The following GALNT10 variants were observed in gnomAD, a reference collection of about 807,000 sequenced individuals.
The protein encoded by GALNT10 is polypeptide N-acetylgalactosaminyltransferase 10.
Under a neutral mutation model 75.0 loss-of-function variants are expected in GALNT10, and 41 were observed. The ratio of observed to expected loss-of-function variants is 0.55; its 90% CI spans 0.43 to 0.71. The LOEUF (loss-of-function observed/expected upper bound fraction) is 0.71. Among genes scored for constraint, GALNT10 ranks in the 30% least tolerant of loss-of-function variants. The pLI, the probability that GALNT10 is intolerant of heterozygous loss-of-function variation, is 0.00. For synonymous variants in GALNT10, 302 were observed against 313.0 expected (o/e 0.96, Z 0.37); for missense variants, 727 against 818.5 (o/e 0.89, Z 1.36).
intron 4 of GALNT10, among the ~76,000 whole-genome samples, chr5:154,363,276 A>C (rs956700320): frequency 1.3e-5 from 2 of 152,146 alleles, no homozygotes; most frequent in African/African-American, 4.8e-5. Flanking sequence ...ACATTCTGCC[A>C]TGATGGTTAA....
intron 6 of GALNT10, among the ~76,000 whole-genome samples, chr5:154,383,852 GC>G (rs1033254491): frequency 6.6e-6 from 1 of 152,128 alleles, no homozygotes; most frequent in Non-Finnish European, 1.5e-5. Flanking sequence ...AAATATTCTA[GC>G]TGTATTAATC....
At position 154,416,518 on chromosome 5, in the gene GALNT10, C is replaced by CACACACACAT. The variant is rs1554102729; in HGVS notation, c.1654-296_1654-295insACACACACAT. ...ACACACACACACACACACACACACA[C>CACACACACAT]GATAAGGACCAGTGAGGTCTGACAG... On this transcript the variant is annotated intron_variant, in intron 11 of 11. Transcript: ENST00000297107. This position sits in a 1 kb window ranked among gnomAD's most constrained non-coding sequence, Gnocchi z 4.5. 6.7e-6 allele frequency among the ~76,000 whole-genome samples: 1 copy of CACACACACAT among 149,144 alleles called. No homozygotes were observed. Among genetic ancestry groups the CACACACACAT allele is most frequent in the African/African-American group, 2.5e-5 (1 of 40,684 alleles).
intron 1 of GALNT10, among the ~76,000 whole-genome samples, chr5:154,248,858 T>C (rs773121711): frequency 3.9e-5 from 6 of 152,202 alleles, no homozygotes; most frequent in Non-Finnish European, 4.4e-5. Flanking sequence ...GCTGGTCATA[T>C]AGAGGAGTCA....
intron 3 of GALNT10, among the ~76,000 whole-genome samples, chr5:154,311,885 T>C (rs1050422412): frequency 6.6e-6 from 1 of 152,170 alleles, no homozygotes; most frequent in Non-Finnish European, 1.5e-5. Flanking sequence ...GTGCTGAAAT[T>C]ACAGGCATGA....
chr5:154,376,250 A>T lies in GALNT10; in HGVS notation c.569-27A>T, dbSNP rs1478198491. Reference sequence around the variant, plus strand: ...GGATGACTACTAAGCAACTGTTCTCACTCTTCTGTCCTCTTCTGTCTCATA... The same window carrying T: ...GGATGACTACTAAGCAACTGTTCTCTCTCTTCTGTCCTCTTCTGTCTCATA... On this transcript the variant is annotated intron_variant, in intron 4 of 11. Coordinates refer to ENST00000297107, the MANE Select transcript of GALNT10 (RefSeq NM_198321.4). The surrounding 1 kb of genome is among the most constrained non-coding windows in gnomAD (Gnocchi z 4.1). The T allele has an allele frequency of 6.7e-7, 1 of 1,494,350 alleles. No individual in the cohort carries two copies. 92.6% of individuals were successfully genotyped at this position (1,494,350 alleles called of 1,614,324 possible).
chr5:154,387,137 G>T (rs61694683), intron 7 of GALNT10: 1 of 152,196 alleles, frequency 6.6e-6, no homozygotes, highest in South Asian at 2.1e-4. Flanking sequence ...TTAAAGTTTC[G>T]GTGAGTAAAT....
intron 1 of GALNT10, among the ~76,000 whole-genome samples, chr5:154,193,246 T>C (rs1338177534): frequency 1.3e-5 from 2 of 152,350 alleles, no homozygotes; most frequent in Non-Finnish European, 1.5e-5. Context: ...GTTTCCCCAA[T>C]GATAAGCTCT....
At chr5:154,276,083 T>C (rs560980251) in intron 1 of GALNT10, among the ~76,000 whole-genome samples, 1 of 152,160 alleles carries the variant, frequency 6.6e-6, no homozygotes, top group Non-Finnish European at 1.5e-5. Flanking sequence ...ACAATAAGAA[T>C]TTATTAGTTC....
At chr5:154,322,860 G>A (rs1012706978) in intron 3 of GALNT10, among the ~76,000 whole-genome samples, 5 of 152,148 alleles carry the variant, frequency 3.3e-5, no homozygotes, top group African/African-American at 7.2e-5. Flanking sequence ...CAAGAGATAC[G>A]GAGACAAAAG....
At chr5:154,248,961 G>A (rs1283057059) in intron 1 of GALNT10, among the ~76,000 whole-genome samples, 2 of 152,240 alleles carry the variant, frequency 1.3e-5, no homozygotes, top group Non-Finnish European at 2.9e-5. Flanking sequence ...GAATGTCTAT[G>A]GAGATACTAG....
At chr5:154,192,244 A>G (rs1255639188) in intron 1 of GALNT10, among the ~76,000 whole-genome samples, 3 of 152,228 alleles carry the variant, frequency 2.0e-5, no homozygotes, top group African/African-American at 7.2e-5. Context: ...TTTGCTACAG[A>G]GCTGACCAAT....
In GALNT10 at chr5:154,190,910, T is replaced by G. The variant is rs1264454912; in HGVS notation, c.44T>G (p.Val15Gly). The G allele has an allele frequency of 6.7e-7, 1 of 1,481,586 alleles. No individual in the cohort carries two copies. Among genetic ancestry groups the G allele is most frequent in the Non-Finnish European group, 9.0e-7 (1 of 1,115,222 alleles). 91.8% of individuals were successfully genotyped at this position (1,481,586 alleles called of 1,614,324 possible). Residue 15 changes from valine to glycine, a missense_variant, in exon 1 of 12, where the codon GTG becomes GGG. Transcript: ENST00000297107. ...EKRLLQAVALVLAALVLLPNV... is the reference protein window; with the variant it reads ...EKRLLQAVALGLAALVLLPNV... The stretch of plus-strand genomic sequence containing the variant: ...CGGCTCCTGCAGGCGGTGGCGCTGG[T>G]GCTGGCGGCCCTGGTCCTCCTGCCC...
At chr5:154,361,896 G>A (rs929838684) in intron 4 of GALNT10, among the ~76,000 whole-genome samples, 2 of 152,186 alleles carry the variant, frequency 1.3e-5, no homozygotes, top group African/African-American at 2.4e-5. Context: ...AGACTCAAAT[G>A]GAATAGGTAC....
At chr5:154,231,828 T>C (rs556823225) in intron 1 of GALNT10, among the ~76,000 whole-genome samples, 1 of 152,290 alleles carries the variant, frequency 6.6e-6, no homozygotes, top group Admixed American at 6.5e-5. Context: ...TACAGAAAAG[T>C]CCTTTGATAC....
At chr5:154,230,977 A>G (rs1290203757) in intron 1 of GALNT10, among the ~76,000 whole-genome samples, 2 of 152,248 alleles carry the variant, frequency 1.3e-5, no homozygotes, top group Non-Finnish European at 2.9e-5. Context: ...GGCAAGGCAT[A>G]CACCAGACAA....
chr5:154,316,938 C>T (rs1017577489), intron 3 of GALNT10, among the ~76,000 whole-genome samples: 2 of 152,186 alleles, frequency 1.3e-5, no homozygotes, highest in African/African-American at 4.8e-5. Context: ...GAAATCTTTG[C>T]TGTGAGTTGT....
intron 3 of GALNT10, among the ~76,000 whole-genome samples, chr5:154,324,810 C>T (rs558782038): frequency 2.6e-5 from 4 of 152,230 alleles, no homozygotes; most frequent in Admixed American, 2.0e-4. Flanking sequence ...TGCTGCCCTC[C>T]TCTTATTCCT....
At chr5:154,375,884 A>G (rs1755646512) in intron 4 of GALNT10, among the ~76,000 whole-genome samples, 1 of 152,176 alleles carries the variant, frequency 6.6e-6, no homozygotes, top group Non-Finnish European at 1.5e-5. Flanking sequence ...TACATGTTGG[A>G]CCCAGGGAAT....
intron 1 of GALNT10, among the ~76,000 whole-genome samples, chr5:154,257,834 G>C (rs1180772650): frequency 6.6e-6 from 1 of 152,096 alleles, no homozygotes; most frequent in African/African-American, 2.4e-5. Flanking sequence ...TTGATGAGTA[G>C]ATTTTGCAGA....
Sources: gnomAD v4.1 joint callset for allele counts (sites outside exome capture counted in the v4.1 genomes callset) on GRCh38, gnomAD v4.1.1 for gene constraint, Gnocchi (gnomAD v3.1) non-coding constraint, MANE v1.5 for transcripts, NCBI Gene and HGNC (gene_info 2026-07-23, HGNC 2026-07-21) for gene names.